Variants in PIK3CA observed in about 807,000 individuals in gnomAD.
The protein encoded by PIK3CA is phosphatidylinositol 4,5-bisphosphate 3-kinase catalytic subunit alpha isoform.
A neutral mutation model predicts 138.2 loss-of-function variants in PIK3CA; 27 were observed. The ratio of observed to expected loss-of-function variants is 0.20; its 90% confidence interval spans 0.14 to 0.27. The LOEUF (loss-of-function observed/expected upper bound fraction) is 0.27, where lower values mean the gene tolerates loss of function less well. Among genes scored for constraint, PIK3CA ranks in the 10% least tolerant of loss-of-function variants. The pLI is 1.00. For missense variants in PIK3CA, 544 were observed against 1,277.4 expected (o/e 0.43, Z 8.75); for synonymous variants, 358 against 413.2 (o/e 0.87, Z 1.62).
chr3:179,181,849 G>T (rs935620675), intron 1 of PIK3CA, among the ~76,000 whole-genome samples: 3 of 152,014 alleles, frequency 2.0e-5, no homozygotes, highest in African/African-American at 4.8e-5. Flanking sequence ...AGAAATAGAG[G>T]TTTGAATGTC....
At chr3:179,225,127 G>T (rs547678919) in intron 16 of PIK3CA, among the ~76,000 whole-genome samples, 26 of 147,242 alleles carry the variant, frequency 1.8e-4, no homozygotes, top group African/African-American at 5.2e-4. Flanking sequence ...TGTTGTTTTG[G>T]TTTTTTTTTT....
chr3:179,173,415 A>G (rs1378240371), intron 1 of PIK3CA, among the ~76,000 whole-genome samples: 1 of 149,390 alleles, frequency 6.7e-6, no homozygotes, highest in Non-Finnish European at 1.5e-5. Context: ...AAAAAAAAAA[A>G]AAAAAAAAAA....
intron 9 of PIK3CA, among the ~76,000 whole-genome samples, chr3:179,216,828 A>G (rs1368814665): frequency 6.6e-6 from 1 of 152,180 alleles, no homozygotes; most frequent in African/African-American, 2.4e-5. Flanking sequence ...ACAAATAAAA[A>G]TAAGTAAATA....
At chr3:179,158,397 A>G (rs1432179886) in intron 1 of PIK3CA, among the ~76,000 whole-genome samples, 2 of 152,112 alleles carry the variant, frequency 1.3e-5, no homozygotes, top group South Asian at 4.1e-4. Flanking sequence ...TTCCCTGTCC[A>G]TTCCTGGAAT....
At chr3:179,233,588 T>G (rs570576175) in intron 20 of PIK3CA, among the ~76,000 whole-genome samples, 15 of 152,286 alleles carry the variant, frequency 9.8e-5, no homozygotes, top group African/African-American at 3.6e-4. Flanking sequence ...ACCTCTATAT[T>G]GACAAATAAT....
chr3:179,233,747 T>C (rs535330272), intron 20 of PIK3CA, among the ~76,000 whole-genome samples: 1 of 152,332 alleles, frequency 6.6e-6, no homozygotes, highest in East Asian at 1.9e-4. Flanking sequence ...CAATCTTCTA[T>C]AAAATTCTGC....
chr3:179,167,606 TATAG>T (rs565868967), intron 1 of PIK3CA, among the ~76,000 whole-genome samples: 14 of 152,264 alleles, frequency 9.2e-5, no homozygotes, highest in East Asian at 3.9e-4. Context: ...TCTTTTTAAC[TATAG>T]ATAGATTGTA....
At chr3:179,158,741 C>G (rs1305044676) in intron 1 of PIK3CA, among the ~76,000 whole-genome samples, 1 of 152,092 alleles carries the variant, frequency 6.6e-6, no homozygotes, top group African/African-American at 2.4e-5. Context: ...ATAAGGAAAG[C>G]AACCATGTGT....
chr3:179,231,749 TCTC>T (rs1725218238), intron 20 of PIK3CA, among the ~76,000 whole-genome samples: 1 of 143,470 alleles, frequency 7.0e-6, no homozygotes, highest in African/African-American at 2.6e-5. Flanking sequence ...TCAAAGCAAT[TCTC>T]CTGCCTCAGC....
intron 6 of PIK3CA, among the ~76,000 whole-genome samples, chr3:179,208,105 A>G (rs1724616285): frequency 6.6e-6 from 1 of 152,134 alleles, no homozygotes; most frequent in East Asian, 1.9e-4. Flanking sequence ...TTTTACCTTT[A>G]GAATTCTTGC....
At chr3:179,155,243 A>G (rs1723105561) in intron 1 of PIK3CA, among the ~76,000 whole-genome samples, 1 of 152,216 alleles carries the variant, frequency 6.6e-6, no homozygotes, top group Admixed American at 6.5e-5. Context: ...TGTTTATTGT[A>G]TCCTCAGCAC....
At chr3:179,222,457 T>C (rs1724990343) in intron 14 of PIK3CA, among the ~76,000 whole-genome samples, 1 of 152,180 alleles carries the variant, frequency 6.6e-6, no homozygotes, top group Non-Finnish European at 1.5e-5. Flanking sequence ...AAAAAGAAAC[T>C]AAATTTTAGA....
intron 1 of PIK3CA, among the ~76,000 whole-genome samples, chr3:179,162,407 C>T (rs542603587): frequency 1.6e-4 from 24 of 152,198 alleles, no homozygotes; most frequent in African/African-American, 4.1e-4. Context: ...GACAGGGTTT[C>T]GCCATGTTGC....
chr3:179,212,126 G>C (rs1724728393), intron 9 of PIK3CA, among the ~76,000 whole-genome samples: 1 of 151,796 alleles, frequency 6.6e-6, no homozygotes, highest in East Asian at 2.0e-4. Context: ...TCCTGCCTCA[G>C]CCTCCTGAGT....
intron 14 of PIK3CA, among the ~76,000 whole-genome samples, chr3:179,221,696 C>CTTTTTTTTTTTTTTT (rs200211358): frequency 1.3e-5 from 1 of 77,570 alleles, no homozygotes; most frequent in Non-Finnish European, 2.4e-5. Flanking sequence ...ACAATGTAAA[C>CTTTTTTTTTTTTTTT]TTTTTTTTTT....
rs55685804 is a variant in PIK3CA at position 179,209,361 on chromosome 3, T to C, written c.1146-234T>C. ...AGTCTTTATAGTTTAGCCATTCTTA[T>C]GTATAGTGATATCTCCATGAGATTT... On this transcript the variant is annotated intron_variant, in intron 6 of 20. Transcript: ENST00000263967. 0.24 allele frequency among the ~76,000 whole-genome samples: 36,596 copies of C among 152,048 alleles called. 5,160 individuals carry two copies. Among genetic ancestry groups the C allele is most frequent in the African/African-American group, 0.39 (16,124 of 41,456 alleles).
In PIK3CA at chr3:179,219,669, T is replaced by G. The variant is rs1724921256; in HGVS notation, c.1845T>G (p.Ala615=). The change falls in exon 12 of 21, where the codon GCT becomes GCG. Residue 615 remains alanine (A), a synonymous_variant. Coordinates refer to ENST00000263967, the MANE Select transcript of PIK3CA (RefSeq NM_006218.4). This position sits in a 1 kb window ranked among gnomAD's most constrained non-coding sequence, Gnocchi z 4.2. ...CAGATCCTATGGTTCGAGGTTTTGC[T>G]GTTCGGTGCTTGGAAAAATATTTAA... ...NYPDPMVRGF[A]VRCLEKYLTD... The G allele has an allele frequency of 6.2e-7, 1 of 1,612,036 alleles. No homozygotes were observed.
chr3:179,183,223 T>C (rs1480636092), intron 1 of PIK3CA, among the ~76,000 whole-genome samples: 2 of 152,228 alleles, frequency 1.3e-5, no homozygotes, highest in African/African-American at 4.8e-5. Flanking sequence ...GGATATTTTG[T>C]TATTGCCAGA....
In PIK3CA at chr3:179,236,136, A is replaced by G. The variant is rs1725329160; in HGVS notation, c.*1772A>G. Reference sequence around the variant, plus strand: ...GTTACCTATAGTTGAAGTCTTGAGTAGTGAACAAGGGACTCTAATACCAAT... The same window carrying G: ...GTTACCTATAGTTGAAGTCTTGAGTGGTGAACAAGGGACTCTAATACCAAT... On this transcript the variant is annotated 3_prime_UTR_variant, in exon 21 of 21. Coordinates refer to ENST00000263967, the MANE Select transcript of PIK3CA (RefSeq NM_006218.4). 4.9e-6 allele frequency: 1 copy of G among 205,802 alleles called. No homozygotes were observed. 12.7% of individuals were successfully genotyped at this position (205,802 alleles called of 1,614,324 possible).
Sources: allele counts gnomAD v4.1 joint callset (sites outside exome capture counted in the v4.1 genomes callset), GRCh38; gene constraint gnomAD v4.1.1; non-coding constraint Gnocchi (gnomAD v3.1); transcripts MANE v1.5; gene names NCBI Gene and HGNC (gene_info 2026-07-23, HGNC 2026-07-21).